The following RHBDD1 variants were observed in gnomAD, a reference collection of about 807,000 sequenced individuals.
RHBDD1 encodes rhomboid-related protein 4.
Under a neutral mutation model 36.3 loss-of-function variants are expected in RHBDD1, and 38 were observed. The ratio of observed to expected loss-of-function variants is 1.05; its 90% CI spans 0.81 to 1.37. The LOEUF (loss-of-function observed/expected upper bound fraction) is 1.37, where lower values mean the gene tolerates loss of function less well. Ranked by LOEUF, RHBDD1 falls within the 40% of genes most tolerant of loss-of-function variation. RHBDD1 has a pLI of 0.00. For missense variants in RHBDD1, 393 were observed against 377.6 expected (o/e 1.04, Z -0.34); for synonymous variants, 151 against 136.5 (o/e 1.11, Z -0.74).
intron 5 of RHBDD1, among the ~76,000 whole-genome samples, chr2:226,906,045 G>T (rs1948029827): frequency 6.6e-6 from 1 of 152,172 alleles, no homozygotes; most frequent in Non-Finnish European, 1.5e-5. Context: ...TGGTTGGGAG[G>T]TCATTCAGCC....
chr2:226,891,748 T>G (rs1946705923), intron 5 of RHBDD1, among the ~76,000 whole-genome samples: 1 of 152,208 alleles, frequency 6.6e-6, no homozygotes, highest in Admixed American at 6.5e-5. Flanking sequence ...TCTGGCAAAC[T>G]GAACCATAAA....
the RHBDD1 span, among the ~76,000 whole-genome samples, chr2:226,803,399 C>T: frequency 6.6e-6 from 1 of 151,932 alleles, no homozygotes; most frequent in South Asian, 2.1e-4. Flanking sequence ...GAAATAACTA[C>T]TTAATTTTTA....
intron 8 of RHBDD1, among the ~76,000 whole-genome samples, chr2:226,953,751 T>C (rs1008887676): frequency 2.0e-5 from 3 of 152,200 alleles, no homozygotes; most frequent in Non-Finnish European, 4.4e-5. Flanking sequence ...TGTGAACAAC[T>C]ACAGAGAGGT....
intron 5 of RHBDD1, among the ~76,000 whole-genome samples, chr2:226,879,918 T>A (rs1183029279): frequency 6.6e-6 from 1 of 152,206 alleles, no homozygotes; most frequent in Non-Finnish European, 1.5e-5. Flanking sequence ...GAAGAGTGGC[T>A]GTCTCAGATT....
the RHBDD1 span, among the ~76,000 whole-genome samples, chr2:226,822,647 A>AG: frequency 2.0e-5 from 3 of 151,902 alleles, no homozygotes; most frequent in African/African-American, 7.3e-5. Context: ...AAAAAAAAAA[A>AG]AAAAAGAAAA....
At chr2:226,846,160 G>A (rs1259564113) in intron 3 of RHBDD1, among the ~76,000 whole-genome samples, 2 of 152,138 alleles carry the variant, frequency 1.3e-5, no homozygotes, top group African/African-American at 2.4e-5. Context: ...CTGGCCAAAC[G>A]CAGTGTTGCT....
intron 1 of RHBDD1, chr2:226,837,445 G>A (rs1200857096): frequency 6.6e-6 from 1 of 152,198 alleles, no homozygotes; most frequent in East Asian, 1.9e-4. Context: ...AAAAGTTAAA[G>A]CAGTGCATAC....
upstream of RHBDD1, among the ~76,000 whole-genome samples, chr2:226,831,969 T>C (rs1046005033): frequency 2.0e-5 from 3 of 151,174 alleles, no homozygotes; most frequent in Non-Finnish European, 4.4e-5. Context: ...TTTTTTTTTT[T>C]TCTAAAAAAC....
chr2:226,836,844 T>C (rs1941028844), intron 1 of RHBDD1, among the ~76,000 whole-genome samples: 1 of 152,230 alleles, frequency 6.6e-6, no homozygotes, highest in South Asian at 2.1e-4. Context: ...GAGGTAGTTC[T>C]AATAAACTTT....
intron 5 of RHBDD1, among the ~76,000 whole-genome samples, chr2:226,868,785 G>A (rs73083702): frequency 0.037 from 5,642 of 152,196 alleles, 357 homozygotes; most frequent in African/African-American, 0.13. Flanking sequence ...TGACAGTGAC[G>A]TGGCCCCTGA....
chr2:226,826,464 G>A, the RHBDD1 span, among the ~76,000 whole-genome samples: 1 of 151,296 alleles, frequency 6.6e-6, no homozygotes, highest in African/African-American at 2.4e-5. Flanking sequence ...TTGTAGTTTT[G>A]GTAACAACTT....
At chr2:226,971,441 T>C (rs1953481927) in intron 8 of RHBDD1, among the ~76,000 whole-genome samples, 1 of 152,198 alleles carries the variant, frequency 6.6e-6, no homozygotes, top group African/African-American at 2.4e-5. Flanking sequence ...CAAAGTGTGT[T>C]CCTCCCCATT....
intron 3 of RHBDD1, among the ~76,000 whole-genome samples, chr2:226,860,914 A>G (rs889005621): frequency 9.2e-5 from 14 of 152,192 alleles, no homozygotes; most frequent in African/African-American, 3.4e-4. Flanking sequence ...ATTTCCTTCA[A>G]CAAATAGAAG....
chr2:226,801,095 C>T, the RHBDD1 span, among the ~76,000 whole-genome samples: 1 of 152,232 alleles, frequency 6.6e-6, no homozygotes, highest in Admixed American at 6.5e-5. Context: ...TTTGGGGTTG[C>T]CGCCCCTTTA....
intron 8 of RHBDD1, among the ~76,000 whole-genome samples, chr2:226,934,324 G>T (rs1950209174): frequency 1.3e-5 from 2 of 152,032 alleles, no homozygotes; most frequent in Admixed American, 6.6e-5. Flanking sequence ...TGCCATGTAG[G>T]TTTGTGTAAC....
rs533757533 is a variant in RHBDD1 at position 226,909,790 on chromosome 2, A to AT, written c.712+915dup. 4.0e-4 allele frequency among the ~76,000 whole-genome samples: 61 copies of AT among 152,246 alleles called. No homozygotes were observed. The South Asian group carries it at 9.6e-3, about 24-fold the overall frequency. On this transcript the variant is annotated intron_variant, in intron 7 of 8. Transcript: ENST00000392062. ...GCTTCCAGCCTCCAGATTGTGACAA[A>AT]TTTCTATTGCTTAAGCCAGCCAGTC...
At chr2:226,910,610 T>C (rs1409153679) in intron 7 of RHBDD1, among the ~76,000 whole-genome samples, 2 of 151,988 alleles carry the variant, frequency 1.3e-5, no homozygotes, top group East Asian at 1.9e-4. Flanking sequence ...ACAGATGGAG[T>C]AGTTAATAGA....
At chr2:226,970,856 G>T (rs369936389) in intron 8 of RHBDD1, among the ~76,000 whole-genome samples, 1 of 152,080 alleles carries the variant, frequency 6.6e-6, no homozygotes, top group Non-Finnish European at 1.5e-5. Flanking sequence ...GAGGGATATC[G>T]TGCCCATCAT....
chr2:226,908,103 T>C (rs1948198191), intron 6 of RHBDD1: 1 of 152,210 alleles, frequency 6.6e-6, no homozygotes, highest in South Asian at 2.1e-4. Flanking sequence ...TGGTGACTTA[T>C]TTCTACACCA....
Sources: gnomAD v4.1 joint callset for allele counts (sites outside exome capture counted in the v4.1 genomes callset) on GRCh38, gnomAD v4.1.1 for gene constraint, MANE v1.5 for transcripts, NCBI Gene and HGNC (gene_info 2026-07-23, HGNC 2026-07-21) for gene names.